The following CLEC9A variants were observed in gnomAD, a reference collection of about 807,000 sequenced individuals.
The protein encoded by CLEC9A is C-type lectin domain containing 9A, also known as C-type lectin domain family 9 member A.
Under a neutral mutation model 30.0 loss-of-function variants are expected in CLEC9A, and 24 were observed. The observed-to-expected ratio is 0.80, with a 90% confidence interval of 0.58 to 1.13. The LOEUF is 1.13. CLEC9A is among the 50% of genes most tolerant of loss of function. The pLI, the probability that CLEC9A is intolerant of heterozygous loss-of-function variation, is 0.00. For synonymous variants in CLEC9A, 111 were observed against 96.8 expected (o/e 1.15, Z -0.86); for missense variants, 251 against 280.9 (o/e 0.89, Z 0.76).
At position 10,062,130 on chromosome 12, in the gene CLEC9A, C is replaced by T. The variant is rs552911683; in HGVS notation, c.319+857C>T. 1.2e-4 allele frequency among the ~76,000 whole-genome samples: 18 copies of T among 152,286 alleles called. No homozygotes were observed. The South Asian group carries it at 1.2e-3, about 11-fold the overall frequency. On this transcript the variant is annotated intron_variant, in intron 6 of 8. Coordinates refer to ENST00000355819, the MANE Select transcript of CLEC9A (RefSeq NM_207345.4). ...CGTACAAGTCCAACATGTTCTTCAA[C>T]GCCACCAATACCATTGTCTACACTA...
chr12:10,058,012 G>T (rs1245941541), intron 5 of CLEC9A, among the ~76,000 whole-genome samples: 2 of 151,798 alleles, frequency 1.3e-5, no homozygotes, highest in East Asian at 3.9e-4. Flanking sequence ...TTTTCCCCAG[G>T]TAATTATATT....
At chr12:10,035,136 G>A (rs1287187736) in intron 1 of CLEC9A, among the ~76,000 whole-genome samples, 1 of 152,182 alleles carries the variant, frequency 6.6e-6, no homozygotes, top group African/African-American at 2.4e-5. Flanking sequence ...CTGCCGATAT[G>A]CTCTTGACGT....
chr12:10,041,275 C>CA (rs1865795127), intron 1 of CLEC9A, among the ~76,000 whole-genome samples, 191 bp from the exon 2 acceptor site: 2 of 151,428 alleles, frequency 1.3e-5, no homozygotes, highest in Non-Finnish European at 2.9e-5. Flanking sequence ...AAAAAACAAA[C>CA]AAACAAAAAA....
At position 10,041,448 on chromosome 12, in the gene CLEC9A, T is replaced by A; in HGVS notation, c.-317-18T>A. On this transcript the variant is annotated intron_variant, in intron 1 of 8. Coordinates refer to ENST00000355819, the MANE Select transcript of CLEC9A (RefSeq NM_207345.4). ...AATTTAAAAACAACAACAACATTCC[T>A]GTGCTTGGTTTCTCCAGGTGACTAT... The A allele has an allele frequency of 2.6e-6, 1 of 392,084 alleles. No homozygotes were observed. Among genetic ancestry groups the A allele is most frequent in the Admixed American group, 3.1e-5 (1 of 31,750 alleles). 24.3% of individuals were successfully genotyped at this position (392,084 alleles called of 1,614,324 possible). A position where few individuals can be genotyped will look rare whatever the true frequency, so the allele number is the denominator to read the frequency against.
At chr12:10,062,021 T>C (rs1020686219) in intron 6 of CLEC9A, among the ~76,000 whole-genome samples, 3 of 152,236 alleles carry the variant, frequency 2.0e-5, no homozygotes, top group African/African-American at 7.2e-5. Context: ...CATGTTTCTC[T>C]ATGCAGCAGG....
chr12:10,048,365 C>CG (rs937758979), intron 2 of CLEC9A, among the ~76,000 whole-genome samples: 1 of 68,072 alleles, frequency 1.5e-5, no homozygotes, highest in African/African-American at 4.9e-5. Context: ...AGTGAGATTC[C>CG]GAAAAAAAAA....
chr12:10,032,433 C>CA (rs1859953043), intron 1 of CLEC9A, among the ~76,000 whole-genome samples: 1 of 148,634 alleles, frequency 6.7e-6, no homozygotes, highest in Non-Finnish European at 1.5e-5. Context: ...CTTTGTCACC[C>CA]AGGCTGGACT....
chr12:10,059,478 T>C (rs1865976466), intron 5 of CLEC9A, among the ~76,000 whole-genome samples: 1 of 152,106 alleles, frequency 6.6e-6, no homozygotes, highest in African/African-American at 2.4e-5. Context: ...TCAGAAAACA[T>C]AGGACAAAAT....
At chr12:10,036,974 C>T (rs548918482) in intron 1 of CLEC9A, among the ~76,000 whole-genome samples, 5 of 152,202 alleles carry the variant, frequency 3.3e-5, no homozygotes, top group East Asian at 3.9e-4. Context: ...TTAGAAGCTG[C>T]GTAGAAACAA....
chr12:10,050,556 A>G (rs1208966335), intron 2 of CLEC9A, among the ~76,000 whole-genome samples: 1 of 152,252 alleles, frequency 6.6e-6, no homozygotes, highest in African/African-American at 2.4e-5. Context: ...CAATAAGTAA[A>G]GGTACGATTA....
intron 1 of CLEC9A, among the ~76,000 whole-genome samples, chr12:10,040,452 ATTT>A (rs11452760): frequency 7.3e-6 from 1 of 137,132 alleles, no homozygotes. Flanking sequence ...TACATTGGCA[ATTT>A]TTTTTTTTTT....
At chr12:10,050,086 A>G (rs59462804) in intron 2 of CLEC9A, among the ~76,000 whole-genome samples, 23,376 of 152,192 alleles carry the variant, frequency 0.15, 1,882 homozygotes, top group African/African-American at 0.2. Context: ...GGCTCAAGGA[A>G]AAGGTACAGA....
At position 10,060,421 on chromosome 12, in the gene CLEC9A, A is replaced by G. The variant is rs1591894462; in HGVS notation, c.173-706A>G. Among the ~76,000 whole-genome samples the G allele has an allele frequency of 2.0e-5, 3 of 152,372 alleles. No homozygotes were observed. In the South Asian group the frequency reaches 6.2e-4, roughly 32 times the overall value. Reference sequence around the variant, plus strand: ...TAAACAACAATCTGCATGAGTCTCCAGAGGATTATTCTGAGTGAACAAAGC... The same window carrying G: ...TAAACAACAATCTGCATGAGTCTCCGGAGGATTATTCTGAGTGAACAAAGC... On this transcript the variant is annotated intron_variant, in intron 5 of 8. Transcript: ENST00000355819.
intron 2 of CLEC9A, among the ~76,000 whole-genome samples, chr12:10,043,697 G>C (rs557296231): frequency 1.3e-5 from 2 of 151,728 alleles, no homozygotes; most frequent in Non-Finnish European, 2.9e-5. Context: ...TATAGACAGA[G>C]AGAGAGATGG....
rs574088357 is a variant in CLEC9A at position 10,049,299 on chromosome 12, C to G, written c.-162-2692C>G. 2.2e-4 allele frequency among the ~76,000 whole-genome samples: 34 copies of G among 152,202 alleles called. No homozygotes were observed. In the South Asian group the frequency reaches 6.6e-3, roughly 30 times the overall value. On this transcript the variant is annotated intron_variant, in intron 2 of 8. Coordinates refer to ENST00000355819, the MANE Select transcript of CLEC9A (RefSeq NM_207345.4). ...ATATTTAGGATAATTCTTAAGGTCT[C>G]TAGGGCTTTTGAAATGATAATTGAC...
At chr12:10,050,865 T>G (rs1457982700) in intron 2 of CLEC9A, among the ~76,000 whole-genome samples, 1 of 152,174 alleles carries the variant, frequency 6.6e-6, no homozygotes, top group Non-Finnish European at 1.5e-5. Flanking sequence ...TAGGTTACAT[T>G]AATTTTCAGA....
At chr12:10,054,418 G>A in intron 5 of CLEC9A, 67 bp downstream of exon 5, 1 of 1,032,500 alleles carries the variant, frequency 9.7e-7, no homozygotes, top group Non-Finnish European at 1.4e-6. Flanking sequence ...ATTTATAAAT[G>A]GATGGAAAAT....
rs74061474 is a variant in CLEC9A at position 10,053,068 on chromosome 12, G to C, written c.91+290G>C. ...GAAAAAAATACAACTTCAATTAATT[G>C]AACTCCTACTAAAACATTCTGCAAA... On this transcript the variant is annotated intron_variant, in intron 4 of 8. Transcript: ENST00000355819. Among the ~76,000 whole-genome samples, 668 of 152,168 alleles carry C rather than the reference G, an allele frequency of 4.4e-3. 3 individuals are homozygous for C. The highest frequency in any genetic ancestry group is 0.015 in the African/African-American group (606 of 41,536).
At chr12:10,060,072 A>G (rs1188138522) in intron 5 of CLEC9A, among the ~76,000 whole-genome samples, 1 of 152,246 alleles carries the variant, frequency 6.6e-6, no homozygotes, top group Non-Finnish European at 1.5e-5. Flanking sequence ...GTCAAGCTGC[A>G]GAGAAAGCGG....
Sources: gnomAD v4.1 joint callset for allele counts (sites outside exome capture counted in the v4.1 genomes callset) on GRCh38, gnomAD v4.1.1 for gene constraint, MANE v1.5 for transcripts, NCBI Gene and HGNC (gene_info 2026-07-23, HGNC 2026-07-21) for gene names.